The following RBFOX1 variants were observed in gnomAD, a reference collection of about 807,000 sequenced individuals.
RBFOX1 encodes RNA binding fox-1 homolog 1.
Under a neutral mutation model 57.7 loss-of-function variants are expected in RBFOX1, and 8 were observed. The ratio of observed to expected loss-of-function variants is 0.14; its 90% CI spans 0.08 to 0.25. RBFOX1 has a LOEUF of 0.25. Among genes scored for constraint, RBFOX1 ranks in the 10% least tolerant of loss-of-function variants. The pLI, the probability that RBFOX1 is intolerant of heterozygous loss-of-function variation, is 1.00. For synonymous variants in RBFOX1, 326 were observed against 222.4 expected (o/e 1.47, Z -4.15); for missense variants, 611 against 548.5 (o/e 1.11, Z -1.14).
chr16:6,771,764 A>C (rs544212533), intron 3 of RBFOX1, among the ~76,000 whole-genome samples: 1 of 152,324 alleles, frequency 6.6e-6, no homozygotes, highest in East Asian at 1.9e-4. Flanking sequence ...CTCACAATGC[A>C]CAGGACAGCC....
intron 2 of RBFOX1, among the ~76,000 whole-genome samples, chr16:6,641,099 C>T (rs957103019): frequency 3.3e-5 from 5 of 152,202 alleles, no homozygotes; most frequent in African/African-American, 1.2e-4. Context: ...TGCACTAAAC[C>T]TCAATTTGAT....
intron 4 of RBFOX1, among the ~76,000 whole-genome samples, chr16:7,225,905 A>AATATAT (rs1555600461): frequency 1.6e-4 from 15 of 93,744 alleles, no homozygotes; most frequent in African/African-American, 7.1e-4. Context: ...AAGTATAATA[A>AATATAT]ATATATATAT....
chr16:6,358,160 C>T (rs751465120), intron 2 of RBFOX1, among the ~76,000 whole-genome samples: 2 of 152,088 alleles, frequency 1.3e-5, no homozygotes, highest in African/African-American at 4.8e-5. Context: ...CTCCATGAAC[C>T]TCAGCTTCCT....
intron 1 of RBFOX1, among the ~76,000 whole-genome samples, chr16:6,208,763 C>G (rs1195813944): frequency 6.6e-6 from 1 of 152,138 alleles, no homozygotes; most frequent in Non-Finnish European, 1.5e-5. Flanking sequence ...AAATTGGAGT[C>G]TGGCCAAACA....
At chr16:6,615,427 G>A (rs766081498) in intron 2 of RBFOX1, among the ~76,000 whole-genome samples, 20 of 152,100 alleles carry the variant, frequency 1.3e-4, no homozygotes, top group Non-Finnish European at 2.2e-4. Context: ...AAAATTAGCT[G>A]GGTGTGCTGG....
intron 4 of RBFOX1, among the ~76,000 whole-genome samples, chr16:7,073,558 C>A (rs754509969): frequency 6.6e-6 from 1 of 152,124 alleles, no homozygotes; most frequent in Non-Finnish European, 1.5e-5. Context: ...ATGATAAATA[C>A]CATGGCTGGT....
chr16:6,014,786 A>G (rs183543509), upstream of RBFOX1, among the ~76,000 whole-genome samples: 1 of 152,090 alleles, frequency 6.6e-6, no homozygotes, highest in African/African-American at 2.4e-5. Context: ...TGAGTATTGT[A>G]TCAACTCTTC....
At chr16:5,777,464 C>G (rs77000758) in intron 3 of RBFOX1, among the ~76,000 whole-genome samples, 5,552 of 152,156 alleles carry the variant, frequency 0.036, 313 homozygotes, top group African/African-American at 0.12. Flanking sequence ...GCAGTAGGAC[C>G]GGGACATCTT....
At chr16:7,559,761 A>G (rs12598822) in intron 5 of RBFOX1, among the ~76,000 whole-genome samples, 2,453 of 152,268 alleles carry the variant, frequency 0.016, 42 homozygotes, top group East Asian at 0.062. Flanking sequence ...TACCCTCCTT[A>G]GTCTTTGGTT....
At chr16:6,772,266 G>A (rs923773314) in intron 3 of RBFOX1, among the ~76,000 whole-genome samples, 1 of 152,132 alleles carries the variant, frequency 6.6e-6, no homozygotes, top group Admixed American at 6.5e-5. Context: ...CTGCAGGTCA[G>A]GCCAGGCTAT....
At chr16:7,140,157 C>CCTCTCTCTCT (rs57128710) in intron 4 of RBFOX1, among the ~76,000 whole-genome samples, 2,646 of 70,716 alleles carry the variant, frequency 0.037, 150 homozygotes, top group Non-Finnish European at 0.053. Context: ...TCCTTCTCTC[C>CCTCTCTCTCT]CTCTCTCTCT....
chr16:6,156,866 G>T (rs866867660), intron 1 of RBFOX1, among the ~76,000 whole-genome samples: 1 of 152,134 alleles, frequency 6.6e-6, no homozygotes. Flanking sequence ...AAGAGACAGG[G>T]TCTTCTTACG....
At position 7,710,877 on chromosome 16, in the gene RBFOX1, A is replaced by C. The variant is rs1411928879; in HGVS notation, c.*132A>C. On this transcript the variant is annotated 3_prime_UTR_variant, in exon 16 of 16. Coordinates refer to ENST00000550418, the MANE Select transcript of RBFOX1 (RefSeq NM_018723.4). ...AAAAAAATACAAATAAAAAGGAAAA[A>C]AAATTACATTTTTTATCTTATACCT... is the stretch of plus-strand genomic sequence containing the variant. 2.0e-6 allele frequency: 2 copies of C among 987,162 alleles called. No homozygotes were observed. Among genetic ancestry groups the C allele is most frequent in the East Asian group, 6.5e-5 (2 of 30,870 alleles). 61.2% of individuals were successfully genotyped at this position (987,162 alleles called of 1,614,324 possible).
intron 3 of RBFOX1, among the ~76,000 whole-genome samples, chr16:6,974,594 C>A (rs181835416): frequency 3.3e-5 from 5 of 152,154 alleles, no homozygotes; most frequent in African/African-American, 9.6e-5. Context: ...ATCTGCCCAC[C>A]TCGGCCTCCC....
intron 4 of RBFOX1, among the ~76,000 whole-genome samples, chr16:5,953,526 T>C (rs1233054353): frequency 6.6e-6 from 1 of 152,050 alleles, no homozygotes; most frequent in African/African-American, 2.4e-5. Context: ...CAAAGTCCAC[T>C]GGGTCATTCT....
intron 1 of RBFOX1, among the ~76,000 whole-genome samples, chr16:6,210,045 T>C (rs2097282935): frequency 6.6e-6 from 1 of 151,832 alleles, no homozygotes; most frequent in Non-Finnish European, 1.5e-5. Context: ...GGGCCAGGCA[T>C]GATGGCTCAT....
At chr16:5,820,364 G>A (rs1161707691) in intron 3 of RBFOX1, among the ~76,000 whole-genome samples, 1 of 152,176 alleles carries the variant, frequency 6.6e-6, no homozygotes. Flanking sequence ...TGCAAGGGGG[G>A]AGGCAGGAAC....
chr16:7,419,152 C>G (rs1393943461), intron 4 of RBFOX1, among the ~76,000 whole-genome samples: 1 of 152,276 alleles, frequency 6.6e-6, no homozygotes, highest in East Asian at 1.9e-4. Flanking sequence ...AAGCAGTTCA[C>G]CCACCGTGGC....
intron 9 of RBFOX1, 116 bp downstream of exon 9, chr16:7,597,547 T>C (rs776232479): frequency 1.1e-6 from 1 of 871,576 alleles, no homozygotes; most frequent in Non-Finnish European, 1.7e-6. Flanking sequence ...CACTGTGTTT[T>C]TACTACTGAC....
Sources: gnomAD v4.1 joint callset for allele counts (sites outside exome capture counted in the v4.1 genomes callset) on GRCh38, gnomAD v4.1.1 for gene constraint, MANE v1.5 for transcripts, NCBI Gene and HGNC (gene_info 2026-07-23, HGNC 2026-07-21) for gene names.